SELENOI: variants seen among roughly 807,000 people sequenced by gnomAD.
SELENOI encodes selenoprotein I.
In SELENOI, 24 loss-of-function variants were observed where a neutral mutation model predicts 50.7. The observed-to-expected ratio is 0.47, with a 90% confidence interval of 0.34 to 0.67. SELENOI has a LOEUF of 0.67. SELENOI is among the 30% of genes least tolerant of loss of function. The probability of loss-of-function intolerance (pLI) is 0.01; values close to 1 mark genes in which losing one functional copy is unlikely to be tolerated. For missense variants in SELENOI, 352 were observed against 461.4 expected, an observed-to-expected ratio of 0.76 and a Z score of 2.17; for synonymous variants, 155 against 170.2, an observed-to-expected ratio of 0.91 and a Z score of 0.70.
At chr2:26,352,855 A>C (rs1676990307) in intron 1 of SELENOI, among the ~76,000 whole-genome samples, 1 of 151,890 alleles carries the variant, frequency 6.6e-6, no homozygotes, top group African/African-American at 2.4e-5. Flanking sequence ...AAAAAAAAAA[A>C]AAAACCAGAA....
At chr2:26,348,410 G>GTA (rs946363647) in intron 1 of SELENOI, among the ~76,000 whole-genome samples, 1 of 152,222 alleles carries the variant, frequency 6.6e-6, no homozygotes, top group African/African-American at 2.4e-5. Flanking sequence ...TTCCCTAGAG[G>GTA]TATATCTGAG....
Position 26,369,946 on chromosome 2 carries a change from G to A in SELENOI, c.310+2726G>A, listed in dbSNP as rs576223690. Among the ~76,000 whole-genome samples, 6 of 151,064 alleles carry A rather than the reference G, an allele frequency of 4.0e-5. 1 individual carries two copies. Among genetic ancestry groups the A allele is most frequent in the Non-Finnish European group, 8.8e-5 (6 of 67,856 alleles). ...GGTCATAGAACAATAGTGGAGGGAA[G>A]GTCAGCAGATAAACAAGTGAACAAA... On this transcript the variant is annotated intron_variant, in intron 4 of 9. Coordinates refer to ENST00000260585, the MANE Select transcript of SELENOI (RefSeq NM_033505.4).
chr2:26,353,090 G>A (rs1298745870), intron 1 of SELENOI, among the ~76,000 whole-genome samples: 1 of 152,138 alleles, frequency 6.6e-6, no homozygotes, highest in African/African-American at 2.4e-5. Context: ...GTGGTGTAGA[G>A]GGCCACATAA....
intron 1 of SELENOI, among the ~76,000 whole-genome samples, chr2:26,348,811 G>A (rs1441123156): frequency 6.7e-6 from 1 of 148,440 alleles, no homozygotes; most frequent in Non-Finnish European, 1.5e-5. Flanking sequence ...TTGGAAGTAT[G>A]GTTAAAAAAA....
chr2:26,389,175 T>C lies in SELENOI; in HGVS notation c.*72T>C, dbSNP rs997502880. On this transcript the variant is annotated 3_prime_UTR_variant, in exon 10 of 10. Coordinates refer to ENST00000260585, the MANE Select transcript of SELENOI (RefSeq NM_033505.4). Reference sequence around the variant, plus strand: ...AATATTTCCTCCATCACCATTGAACTAGACTGATCTGCTTGACAGACGTGG... The same window carrying C: ...AATATTTCCTCCATCACCATTGAACCAGACTGATCTGCTTGACAGACGTGG... The C allele has an allele frequency of 5.8e-5, 65 of 1,128,042 alleles. No individual in the cohort carries two copies. Among genetic ancestry groups the C allele is most frequent in the Middle Eastern group, 1.9e-4 (1 of 5,154 alleles). 69.9% of individuals were successfully genotyped at this position (1,128,042 alleles called of 1,614,324 possible).
chr2:26,359,719 G>A (rs557654678), intron 1 of SELENOI, among the ~76,000 whole-genome samples: 1 of 152,166 alleles, frequency 6.6e-6, no homozygotes, highest in East Asian at 1.9e-4. Context: ...GGCAGGGGAG[G>A]ATTTTGTTAG....
chr2:26,373,251 C>T, intron 4 of SELENOI, 116 bp from the exon 5 acceptor site: 7 of 1,266,400 alleles, frequency 5.5e-6, no homozygotes, highest in Non-Finnish European at 7.6e-6. Flanking sequence ...GATAGCTATA[C>T]TTAACATTCC....
rs1228638272 is a variant in SELENOI, at chr2:26,371,844, G to GACCATGGGGAGAGGGAA, written c.311-1506_311-1490dup. Among the ~76,000 whole-genome samples the GACCATGGGGAGAGGGAA allele has an allele frequency of 1.7e-3, 265 of 152,208 alleles. 3 individuals carry two copies. The highest frequency in any genetic ancestry group is 4.9e-4 in the Non-Finnish European group (33 of 68,012). ...CAGCTTCGGCTCGGCATGAGAGGGAGACCATGGGGAGAGGGAAACCATGGG... is the reference window on the plus strand; with the variant it reads ...CAGCTTCGGCTCGGCATGAGAGGGAGACCATGGGGAGAGGGAAACCATGGGGAGAGGGAAACCATGGG... On this transcript the variant is annotated intron_variant, in intron 4 of 9. Transcript: ENST00000260585.
chr2:26,359,704 T>C (rs1025938316), intron 1 of SELENOI, among the ~76,000 whole-genome samples: 2 of 152,080 alleles, frequency 1.3e-5, no homozygotes, highest in Non-Finnish European at 2.9e-5. Context: ...GGATAGATGA[T>C]ATAGGGCAGG....
chr2:26,353,624 G>C (rs1399819355), intron 1 of SELENOI, among the ~76,000 whole-genome samples: 1 of 152,152 alleles, frequency 6.6e-6, no homozygotes, highest in East Asian at 1.9e-4. Context: ...ATGTATTCTA[G>C]TTGTCTTAGA....
Position 26,393,565 on chromosome 2 carries a change from T to A in SELENOI, c.*4462T>A, listed in dbSNP as rs1678017967. The A allele has an allele frequency of 6.6e-6, 1 of 152,212 alleles. No homozygotes were observed. The highest frequency in any genetic ancestry group is 6.5e-5 in the Admixed American group (1 of 15,272). The allele number at this position is 152,212 out of a possible 1,614,324, so 9.4% of individuals were successfully genotyped here. A position where few individuals can be genotyped will look rare whatever the true frequency, so the allele number is the denominator to read the frequency against. ...AATTGGAAGGTGCCACATATACTTT[T>A]AGAATATTTTAACAAAGGCTTGTCT... On this transcript the variant is annotated 3_prime_UTR_variant, in exon 10 of 10. Transcript: ENST00000260585.
intron 6 of SELENOI, among the ~76,000 whole-genome samples, chr2:26,379,702 C>T (rs978247682): frequency 5.9e-5 from 9 of 152,114 alleles, no homozygotes; most frequent in Admixed American, 2.0e-4. Context: ...CTTAGGAATT[C>T]ATTCATTCAG....
chr2:26,376,362 A>G (rs1482517354), intron 6 of SELENOI, among the ~76,000 whole-genome samples: 1 of 152,092 alleles, frequency 6.6e-6, no homozygotes, highest in Admixed American at 6.5e-5. Context: ...TTCTTCTCCA[A>G]TTATGTAGTG....
chr2:26,371,950 C>G (rs1677464063), intron 4 of SELENOI, among the ~76,000 whole-genome samples: 1 of 152,156 alleles, frequency 6.6e-6, no homozygotes, highest in Non-Finnish European at 1.5e-5. Flanking sequence ...ACTTCTTTAT[C>G]TCTTATCAGC....
intron 3 of SELENOI, among the ~76,000 whole-genome samples, 163 bp from the exon 4 acceptor site, chr2:26,366,983 A>G (rs970744037): frequency 6.6e-6 from 1 of 152,200 alleles, no homozygotes; most frequent in Admixed American, 6.5e-5. Flanking sequence ...TTTTGGTTTT[A>G]TCAGTTTCCT....
Position 26,370,717 on chromosome 2 carries a change from C to T in SELENOI, c.311-2650C>T, listed in dbSNP as rs1338257219. Among the ~76,000 whole-genome samples, 4 of 141,174 alleles carry T rather than the reference C, an allele frequency of 2.8e-5. No homozygotes were observed. The East Asian group carries it at 6.5e-4, about 23-fold the overall frequency. The allele number at this position is 141,174 out of a possible 152,430, so 92.6% of individuals were successfully genotyped here. On this transcript the variant is annotated intron_variant, in intron 4 of 9. Transcript: ENST00000260585. ...GCAGAGGCGCCCCTCACCTCCCGGA[C>T]GGGGCGGCTGGCCGGGCGGGGGGCT...
intron 7 of SELENOI, among the ~76,000 whole-genome samples, chr2:26,384,373 A>C (rs1486598969): frequency 6.6e-6 from 1 of 152,190 alleles, no homozygotes; most frequent in Non-Finnish European, 1.5e-5. Context: ...TCATTGGGCA[A>C]CATATTGCCC....
Position 26,391,825 on chromosome 2 carries a change from T to C in SELENOI, c.*2722T>C, listed in dbSNP as rs1408931492. The C allele has an allele frequency of 6.6e-6, 1 of 152,234 alleles. No homozygotes were observed. Among genetic ancestry groups the C allele is most frequent in the Non-Finnish European group, 1.5e-5 (1 of 68,036 alleles). 9.4% of individuals were successfully genotyped at this position (152,234 alleles called of 1,614,324 possible). A position where few individuals can be genotyped will look rare whatever the true frequency, so the allele number is the denominator to read the frequency against. ...TAGAGAATGCTAATGCTGCCTTTTG[T>C]GATCCTTTAATATTATCCATGCTTT... On this transcript the variant is annotated 3_prime_UTR_variant, in exon 10 of 10. Transcript: ENST00000260585.
At chr2:26,348,942 A>T (rs1258173516) in intron 1 of SELENOI, among the ~76,000 whole-genome samples, 2 of 148,854 alleles carry the variant, frequency 1.3e-5, no homozygotes, top group African/African-American at 5.0e-5. Context: ...AGAGAATTAT[A>T]CTGAAGGATT....
Sources: gnomAD v4.1 joint callset for allele counts (sites outside exome capture counted in the v4.1 genomes callset) on GRCh38, gnomAD v4.1.1 for gene constraint, MANE v1.5 for transcripts, NCBI Gene and HGNC (gene_info 2026-07-23, HGNC 2026-07-21) for gene names.